Variants in NECAB1 observed in about 807,000 individuals in gnomAD.
The protein encoded by NECAB1 is N-terminal EF-hand calcium-binding protein 1.
Under a neutral mutation model 57.5 loss-of-function variants are expected in NECAB1, and 29 were observed. The ratio of observed to expected loss-of-function variants is 0.50; its 90% CI spans 0.38 to 0.69. NECAB1 has a LOEUF of 0.69. NECAB1 is among the 30% of genes least tolerant of loss of function. The pLI, the probability that NECAB1 is intolerant of heterozygous loss-of-function variation, is 0.00. For missense variants in NECAB1, 372 were observed against 413.8 expected, an observed-to-expected ratio of 0.90 and a Z score of 0.88; for synonymous variants, 142 against 147.7, an observed-to-expected ratio of 0.96 and a Z score of 0.28.
At chr8:90,813,665 TA>T (rs1812009435) in intron 2 of NECAB1, among the ~76,000 whole-genome samples, 1 of 152,150 alleles carries the variant, frequency 6.6e-6, no homozygotes, top group African/African-American at 2.4e-5. Context: ...TAGCTAGTAC[TA>T]CAGGTGCACA....
chr8:90,825,042 A>G (rs1292545588), intron 3 of NECAB1: 1 of 317,406 alleles, frequency 3.2e-6, no homozygotes, highest in Non-Finnish European at 5.7e-6. Context: ...GCTCCCCTGA[A>G]GTGTTTTTAG....
intron 4 of NECAB1, 109 bp from the exon 5 acceptor site, chr8:90,880,924 A>G (rs1808824590): frequency 2.7e-6 from 2 of 733,084 alleles, no homozygotes; most frequent in Non-Finnish European, 4.6e-6. Flanking sequence ...TTTCACTTAT[A>G]GCTGACATTT....
intron 8 of NECAB1, among the ~76,000 whole-genome samples, chr8:90,929,629 A>G (rs1185406692): frequency 6.6e-6 from 1 of 152,156 alleles, no homozygotes; most frequent in African/African-American, 2.4e-5. Context: ...CCTCCTGGAT[A>G]GGGGAGGGGG....
rs547999784 is a variant in NECAB1, at chr8:90,922,289, C to T, written c.495-3246C>T. ...CCCAAAGTTTTTCTATATCCAGGAA[C>T]GTAATTAATTCCTTCTTGACTTGAA... is the stretch of plus-strand genomic sequence containing the variant. On this transcript the variant is annotated intron_variant, in intron 6 of 12. Transcript: ENST00000417640. 9.5e-4 allele frequency among the ~76,000 whole-genome samples: 145 copies of T among 152,144 alleles called. 1 individual carries two copies. Among genetic ancestry groups the T allele is most frequent in the African/African-American group, 1.9e-3 (78 of 41,522 alleles).
At chr8:90,849,035 A>C (rs1812627280) in intron 3 of NECAB1, among the ~76,000 whole-genome samples, 1 of 152,132 alleles carries the variant, frequency 6.6e-6, no homozygotes, top group Non-Finnish European at 1.5e-5. Flanking sequence ...CCAATGATTC[A>C]ATTACCTCCC....
At chr8:90,792,074 C>A in intron 1 of NECAB1, 89 bp downstream of exon 1, 2 of 1,020,952 alleles carry the variant, frequency 2.0e-6, no homozygotes, top group Non-Finnish European at 3.0e-6. Context: ...TGCTGACCAG[C>A]CAATGCTTTG....
chr8:90,926,262 C>T (rs140036938), intron 7 of NECAB1, among the ~76,000 whole-genome samples: 22 of 152,244 alleles, frequency 1.4e-4, no homozygotes, highest in African/African-American at 2.9e-4. Flanking sequence ...GCACATATGT[C>T]ACTTGAACGT....
At chr8:90,915,346 T>G (rs1809925509) in intron 5 of NECAB1, among the ~76,000 whole-genome samples, 1 of 152,074 alleles carries the variant, frequency 6.6e-6, no homozygotes, top group African/African-American at 2.4e-5. Flanking sequence ...AAAAACTCAT[T>G]CAGAGAGAAT....
intron 6 of NECAB1, among the ~76,000 whole-genome samples, chr8:90,921,064 T>C (rs933255919): frequency 1.3e-5 from 2 of 152,206 alleles, no homozygotes; most frequent in Non-Finnish European, 2.9e-5. Flanking sequence ...TAGCCCAGGA[T>C]GGAGTGCAGT....
chr8:90,954,901 T>C (rs1810992832), intron 12 of NECAB1, among the ~76,000 whole-genome samples: 1 of 147,198 alleles, frequency 6.8e-6, no homozygotes, highest in African/African-American at 2.5e-5. Context: ...TGCATATGCA[T>C]ATATGTATGT....
chr8:90,922,451 T>G (rs967700887), intron 6 of NECAB1, among the ~76,000 whole-genome samples: 10 of 146,482 alleles, frequency 6.8e-5, no homozygotes, highest in African/African-American at 2.5e-4. Context: ...TCTAATCACC[T>G]ACTCCCCTGA....
intron 6 of NECAB1, among the ~76,000 whole-genome samples, chr8:90,924,049 C>T (rs1009084067): frequency 2.0e-5 from 3 of 152,150 alleles, no homozygotes; most frequent in Admixed American, 1.3e-4. Flanking sequence ...ACACAAAATA[C>T]ATCATTATGA....
At chr8:90,837,588 T>C (rs1398589944) in intron 3 of NECAB1, among the ~76,000 whole-genome samples, 2 of 152,324 alleles carry the variant, frequency 1.3e-5, no homozygotes, top group East Asian at 3.9e-4. Flanking sequence ...GAAGGGAAAA[T>C]TACTGTAATT....
chr8:90,877,254 G>T (rs1381553948), intron 4 of NECAB1, among the ~76,000 whole-genome samples: 1 of 152,120 alleles, frequency 6.6e-6, no homozygotes, highest in South Asian at 2.1e-4. Context: ...TCCTAGTTGT[G>T]TGATGAAATC....
intron 3 of NECAB1, among the ~76,000 whole-genome samples, chr8:90,838,619 G>A (rs183761710): frequency 3.9e-5 from 6 of 152,308 alleles, no homozygotes; most frequent in African/African-American, 9.6e-5. Context: ...CACATCTTTG[G>A]AGGGGTAAGA....
At chr8:90,937,890 G>A (rs976769683) in intron 9 of NECAB1, among the ~76,000 whole-genome samples, 3 of 152,064 alleles carry the variant, frequency 2.0e-5, no homozygotes, top group Admixed American at 2.0e-4. Flanking sequence ...CATTCCTAAG[G>A]GTTTGGGGGC....
At chr8:90,876,011 A>G (rs1808720649) in intron 4 of NECAB1, among the ~76,000 whole-genome samples, 1 of 152,092 alleles carries the variant, frequency 6.6e-6, no homozygotes, top group African/African-American at 2.4e-5. Context: ...CTCTGTCTCA[A>G]AAAATAATAA....
chr8:90,869,950 G>A (rs1244268451), intron 3 of NECAB1, among the ~76,000 whole-genome samples: 1 of 152,142 alleles, frequency 6.6e-6, no homozygotes, highest in South Asian at 2.1e-4. Flanking sequence ...CAGTGTTGGG[G>A]AGGTACCTGG....
chr8:90,959,310 A>C lies in NECAB1; in HGVS notation c.*3798A>C, dbSNP rs749624751. On this transcript the variant is annotated 3_prime_UTR_variant, in exon 13 of 13. Coordinates refer to ENST00000417640, the MANE Select transcript of NECAB1 (RefSeq NM_022351.5). ...AATATGTATTAATGTGTAAATCACAAGTAAAATGAATTCTAATGTACAAGT... is the reference window on the plus strand; with the variant it reads ...AATATGTATTAATGTGTAAATCACACGTAAAATGAATTCTAATGTACAAGT... 2 of 190,160 alleles carry C rather than the reference A, an allele frequency of 1.1e-5. No individual in the cohort carries two copies. The highest frequency in any genetic ancestry group is 2.1e-5 in the Non-Finnish European group (2 of 93,594). 11.8% of individuals were successfully genotyped at this position (190,160 alleles called of 1,614,324 possible).
Sources: gnomAD v4.1 joint callset for allele counts (sites outside exome capture counted in the v4.1 genomes callset) on GRCh38, gnomAD v4.1.1 for gene constraint, MANE v1.5 for transcripts, NCBI Gene and HGNC (gene_info 2026-07-23, HGNC 2026-07-21) for gene names.